Variants in LHFPL6 observed in about 807,000 individuals in gnomAD.
LHFPL6 encodes the protein LHFPL tetraspan subfamily member 6 protein.
In LHFPL6, 9 loss-of-function variants were observed where a neutral mutation model predicts 20.6. That is an observed-to-expected ratio of 0.44 (90% CI 0.26 to 0.76). The LOEUF is 0.76. Among genes scored for constraint, LHFPL6 ranks in the 30% least tolerant of loss-of-function variants. The pLI is 0.20. For synonymous variants in LHFPL6, 105 were observed against 98.7 expected, an observed-to-expected ratio of 1.06 and a Z score of -0.38; for missense variants, 218 against 253.5, an observed-to-expected ratio of 0.86 and a Z score of 0.95.
intron 2 of LHFPL6, among the ~76,000 whole-genome samples, chr13:39,444,788 G>C (rs1005032185): frequency 6.6e-6 from 1 of 152,218 alleles, no homozygotes; most frequent in African/African-American, 2.4e-5. Context: ...GCAAAGACTT[G>C]TCACAGGGGT....
intron 2 of LHFPL6, among the ~76,000 whole-genome samples, chr13:39,493,306 T>TGAA (rs1555264758): frequency 8.5e-6 from 1 of 118,290 alleles, no homozygotes; most frequent in Non-Finnish European, 1.8e-5. Flanking sequence ...CCATCTCTAC[T>TGAA]AAAAAAAAAA....
At chr13:39,479,135 ATC>A (rs201458658) in intron 2 of LHFPL6, among the ~76,000 whole-genome samples, 9,429 of 151,710 alleles carry the variant, frequency 0.062, 323 homozygotes, top group East Asian at 0.087. Flanking sequence ...CTATCTATCT[ATC>A]TATCTATCTA....
intron 2 of LHFPL6, among the ~76,000 whole-genome samples, chr13:39,404,868 A>G (rs1441785439): frequency 6.6e-6 from 1 of 152,176 alleles, no homozygotes; most frequent in Admixed American, 6.5e-5. Flanking sequence ...GGACAGGACA[A>G]TATGTATTTG....
intron 2 of LHFPL6, among the ~76,000 whole-genome samples, chr13:39,428,296 T>C (rs1188064718): frequency 2.0e-5 from 3 of 152,198 alleles, no homozygotes; most frequent in African/African-American, 7.2e-5. Context: ...TAATATTACT[T>C]TTTCTTAAAA....
At chr13:39,352,850 A>T (rs1445109594) in intron 3 of LHFPL6, among the ~76,000 whole-genome samples, 31 of 86,612 alleles carry the variant, frequency 3.6e-4, no homozygotes, top group African/African-American at 7.5e-4. Context: ...TATATATATA[A>T]ATGTATATAT....
rs76406933 is a variant in LHFPL6 at position 39,473,599 on chromosome 13, T to C, written c.386-95073A>G. 1.1e-3 allele frequency among the ~76,000 whole-genome samples: 173 copies of C among 152,274 alleles called. 2 individuals are homozygous for C. The highest frequency in any genetic ancestry group is 4.0e-3 in the African/African-American group (165 of 41,550). On this transcript the variant is annotated intron_variant, in intron 2 of 3. Transcript: ENST00000379589. Reference sequence around the variant, plus strand: ...TTCTGCTAGATTATAAGGTTTTACATAATTGAGCACACTCAGATCTTCTTT... The same window carrying C: ...TTCTGCTAGATTATAAGGTTTTACACAATTGAGCACACTCAGATCTTCTTT...
intron 2 of LHFPL6, among the ~76,000 whole-genome samples, chr13:39,488,694 T>C (rs1026729162): frequency 6.6e-6 from 1 of 152,200 alleles, no homozygotes; most frequent in African/African-American, 2.4e-5. Flanking sequence ...AATCAGCGCC[T>C]AGTAGCCAGG....
intron 2 of LHFPL6, among the ~76,000 whole-genome samples, chr13:39,566,574 C>T (rs1871723443): frequency 6.6e-6 from 1 of 151,104 alleles, no homozygotes; most frequent in African/African-American, 2.4e-5. Context: ...GACGCGGTCT[C>T]TACAAAAAAT....
chr13:39,576,138 A>G (rs560126331), intron 2 of LHFPL6, among the ~76,000 whole-genome samples: 1 of 152,140 alleles, frequency 6.6e-6, no homozygotes, highest in Non-Finnish European at 1.5e-5. Context: ...ACTTGTTCCT[A>G]TGTCTCCAAA....
At chr13:39,598,902 T>C (rs1343971448) in intron 2 of LHFPL6, among the ~76,000 whole-genome samples, 1 of 152,142 alleles carries the variant, frequency 6.6e-6, no homozygotes, top group Non-Finnish European at 1.5e-5. Flanking sequence ...TCAGTAACTC[T>C]TACCAAGCCA....
intron 2 of LHFPL6, among the ~76,000 whole-genome samples, chr13:39,379,430 A>G (rs1180195883): frequency 6.6e-6 from 1 of 152,214 alleles, no homozygotes; most frequent in Non-Finnish European, 1.5e-5. Flanking sequence ...ACAGATACAT[A>G]GTCTAATGTT....
chr13:39,563,903 G>T (rs1871628313), intron 2 of LHFPL6, among the ~76,000 whole-genome samples: 1 of 152,010 alleles, frequency 6.6e-6, no homozygotes, highest in South Asian at 2.1e-4. Flanking sequence ...TGAAAATGAG[G>T]CTAATAGACA....
At chr13:39,356,716 C>G (rs966655606) in intron 3 of LHFPL6, among the ~76,000 whole-genome samples, 1 of 152,212 alleles carries the variant, frequency 6.6e-6, no homozygotes, top group Non-Finnish European at 1.5e-5. Context: ...ACGAAAGACT[C>G]TCACAAACTA....
chr13:39,415,838 C>T (rs1413062337), intron 2 of LHFPL6, among the ~76,000 whole-genome samples: 5 of 152,234 alleles, frequency 3.3e-5, no homozygotes, highest in African/African-American at 1.2e-4. Context: ...TTCTCATTTG[C>T]AGCCAGTTTG....
chr13:39,517,020 AC>A (rs1178603550), intron 2 of LHFPL6, among the ~76,000 whole-genome samples: 1 of 152,220 alleles, frequency 6.6e-6, no homozygotes, highest in African/African-American at 2.4e-5. Context: ...AAGAGGTTAA[AC>A]AAAAATTCTG....
Position 39,344,159 on chromosome 13 carries a change from A to T in LHFPL6, c.485-105T>A, listed in dbSNP as rs554181242. On this transcript the variant is annotated intron_variant, in intron 3 of 3. Transcript: ENST00000379589. ...GTGGGTTCTGAAACACCCTTTAGGA[A>T]TATGGTATCCTCGCTTAAATGGAAT... is the stretch of plus-strand genomic sequence containing the variant. 26 of 785,964 alleles carry T rather than the reference A, an allele frequency of 3.3e-5. No homozygotes were observed. In the South Asian group the frequency reaches 4.1e-4, roughly 13 times the overall value. 48.7% of individuals were successfully genotyped at this position (785,964 alleles called of 1,614,324 possible).
intron 2 of LHFPL6, among the ~76,000 whole-genome samples, chr13:39,390,970 C>T (rs1008083270): frequency 6.6e-5 from 10 of 152,140 alleles, no homozygotes; most frequent in African/African-American, 2.4e-4. Flanking sequence ...GCGCTCCAGC[C>T]TGGGAGACAG....
At chr13:39,502,194 A>C (rs1869315612) in intron 2 of LHFPL6, among the ~76,000 whole-genome samples, 2 of 152,234 alleles carry the variant, frequency 1.3e-5, no homozygotes, top group African/African-American at 2.4e-5. Flanking sequence ...CTCTGAGGCT[A>C]GAGGTTAAGT....
At chr13:39,346,136 G>A (rs1456347735) in intron 3 of LHFPL6, among the ~76,000 whole-genome samples, 2 of 152,176 alleles carry the variant, frequency 1.3e-5, no homozygotes, top group African/African-American at 4.8e-5. Context: ...GTTTACTGGA[G>A]AAGTAGTTAG....
Sources: gnomAD v4.1 joint callset for allele counts (sites outside exome capture counted in the v4.1 genomes callset) on GRCh38, gnomAD v4.1.1 for gene constraint, MANE v1.5 for transcripts, NCBI Gene and HGNC (gene_info 2026-07-23, HGNC 2026-07-21) for gene names.